Variants in MAP1B observed in about 807,000 individuals in gnomAD.
The protein encoded by MAP1B is microtubule associated protein 1B.
A neutral mutation model predicts 176.1 loss-of-function variants in MAP1B; 12 were observed. That is an observed-to-expected ratio of 0.07 (90% CI 0.04 to 0.11). The LOEUF (loss-of-function observed/expected upper bound fraction) is 0.11. Ranked by LOEUF, MAP1B falls within the 10% of genes least tolerant of loss-of-function variation. The probability of loss-of-function intolerance (pLI) is 1.00; values close to 1 mark genes in which losing one functional copy is unlikely to be tolerated. For missense variants in MAP1B, 2,523 were observed against 2,990.5 expected (o/e 0.84, Z 3.65); for synonymous variants, 1,044 against 1,135.0 (o/e 0.92, Z 1.61).
intron 5 of MAP1B, among the ~76,000 whole-genome samples, chr5:72,201,491 G>A (rs191788503): frequency 4.9e-4 from 74 of 152,318 alleles, no homozygotes; most frequent in African/African-American, 1.8e-3. Flanking sequence ...TCTCAGCAAT[G>A]ACCTGGGCTT....
At position 72,196,400 on chromosome 5, in the gene MAP1B, A is replaced by G. The variant is rs773051153; in HGVS notation, c.3045A>G (p.Gln1015=). The stretch of plus-strand genomic sequence containing the variant: ...CCATTGAGAAAGGAGAGGCTGAACA[A>G]TCTGAAGAGGAGGCTGATGAGGAGG... The part of the protein sequence containing the change: ...DEAIEKGEAE[Q]SEEEADEEDK... The change falls in exon 5 of 7, where the codon CAA becomes CAG. Residue 1015 remains glutamine, a synonymous_variant. Transcript: ENST00000296755. The surrounding 1 kb of genome is among the most constrained non-coding windows in gnomAD (Gnocchi z 5.3). 6.2e-7 allele frequency: 1 copy of G among 1,614,036 alleles called. No homozygotes were observed. The highest frequency in any genetic ancestry group is 1.7e-5 in the Admixed American group (1 of 60,014).
intron 4 of MAP1B, among the ~76,000 whole-genome samples, chr5:72,189,855 G>T (rs1319609342): frequency 6.6e-6 from 1 of 152,196 alleles, no homozygotes; most frequent in Non-Finnish European, 1.5e-5. Context: ...GGAACTCAGA[G>T]TCGGGCTGGA....
At chr5:72,115,529 T>G (rs1745416836) in intron 1 of MAP1B, among the ~76,000 whole-genome samples, 169 bp from the exon 2 acceptor site, 1 of 152,160 alleles carries the variant, frequency 6.6e-6, no homozygotes, top group Admixed American at 6.5e-5. Flanking sequence ...TGGAGAGACC[T>G]CCCTGGCCCT....
intron 2 of MAP1B, among the ~76,000 whole-genome samples, chr5:72,129,826 A>C (rs995279875): frequency 5.9e-5 from 9 of 152,210 alleles, no homozygotes; most frequent in African/African-American, 2.2e-4. Context: ...CTGCTTTTTA[A>C]AGAAGCATTA....
chr5:72,137,616 C>T (rs1213437022), intron 2 of MAP1B, among the ~76,000 whole-genome samples: 1 of 152,130 alleles, frequency 6.6e-6, no homozygotes, highest in Non-Finnish European at 1.5e-5. Context: ...AAAGTTACTC[C>T]TCCCTGTTTA....
intron 2 of MAP1B, among the ~76,000 whole-genome samples, chr5:72,178,735 T>C (rs896279378): frequency 6.7e-6 from 1 of 150,058 alleles, no homozygotes; most frequent in Non-Finnish European, 1.5e-5. Context: ...GGTGTGTGTG[T>C]GTGTGTGTGT....
At chr5:72,156,603 A>G (rs1434583860) in intron 2 of MAP1B, among the ~76,000 whole-genome samples, 15 of 152,250 alleles carry the variant, frequency 9.9e-5, no homozygotes, top group Non-Finnish European at 1.5e-5. Context: ...AGATTCGGAC[A>G]GTGCTTTCCA....
At chr5:72,203,953 C>T in intron 6 of MAP1B, 152 bp downstream of exon 6, 1 of 654,436 alleles carries the variant, frequency 1.5e-6, no homozygotes, top group South Asian at 1.9e-5. Context: ...ATCCTGAGAA[C>T]AAAGTCAGTT....
At chr5:72,200,415 T>C (rs1747306936) in intron 5 of MAP1B, 48 bp downstream of exon 5, 2 of 1,577,684 alleles carry the variant, frequency 1.3e-6, no homozygotes, top group Non-Finnish European at 1.7e-6. Context: ...ACCATTCTAC[T>C]TGCGTTTACA....
At chr5:72,152,960 C>G (rs889432670) in intron 2 of MAP1B, among the ~76,000 whole-genome samples, 4 of 152,136 alleles carry the variant, frequency 2.6e-5, no homozygotes, top group Admixed American at 2.6e-4. Flanking sequence ...AGAGGAACCA[C>G]AGGGAAACCA....
At chr5:72,183,094 G>C (rs1035919698) in intron 2 of MAP1B, among the ~76,000 whole-genome samples, 4 of 152,200 alleles carry the variant, frequency 2.6e-5, no homozygotes, top group Non-Finnish European at 5.9e-5. Context: ...GCCTTGCTTT[G>C]TTGTTCTCTG....
chr5:72,170,745 A>C (rs1315933486), intron 2 of MAP1B, among the ~76,000 whole-genome samples: 2 of 152,164 alleles, frequency 1.3e-5, no homozygotes, highest in African/African-American at 2.4e-5. Flanking sequence ...GGATCACCTG[A>C]GGTCAGGAGT....
intron 2 of MAP1B, among the ~76,000 whole-genome samples, chr5:72,173,512 C>G (rs980951610): frequency 2.0e-5 from 3 of 152,194 alleles, no homozygotes; most frequent in Non-Finnish European, 4.4e-5. Flanking sequence ...GAAACCTACT[C>G]TAGTCTCAAG....
chr5:72,158,418 A>T (rs148927318), intron 2 of MAP1B, among the ~76,000 whole-genome samples: 21 of 152,312 alleles, frequency 1.4e-4, no homozygotes, highest in African/African-American at 5.1e-4. Context: ...CTCACTTCAT[A>T]CAACGATTTA....
At chr5:72,200,865 T>A (rs1747320390) in intron 5 of MAP1B, among the ~76,000 whole-genome samples, 1 of 152,218 alleles carries the variant, frequency 6.6e-6, no homozygotes, top group African/African-American at 2.4e-5. Flanking sequence ...AATGTTTACA[T>A]TTTTATTTAA....
Position 72,197,930 on chromosome 5 carries a change from T to G in MAP1B, c.4575T>G (p.Thr1525=). ...EDTKMSISEG[T]VSDKSATPVD... is the part of the protein sequence containing the mutation. ...CTAAGATGTCCATTTCTGAAGGTACTGTCTCAGACAAGTCAGCTACTCCTG... is the reference window on the plus strand; with the variant it reads ...CTAAGATGTCCATTTCTGAAGGTACGGTCTCAGACAAGTCAGCTACTCCTG... Residue 1525 remains threonine (T), a synonymous_variant, in exon 5 of 7, where the codon ACT becomes ACG. Transcript: ENST00000296755. The G allele has an allele frequency of 6.2e-7, 1 of 1,614,224 alleles. No individual in the cohort carries two copies. The highest frequency in any genetic ancestry group is 8.5e-7 in the Non-Finnish European group (1 of 1,180,040).
intron 4 of MAP1B, chr5:72,193,382 GAA>G (rs1747071720): frequency 7.8e-5 from 20 of 256,950 alleles, no homozygotes; most frequent in South Asian, 5.8e-4. Flanking sequence ...TGGAATAAAA[GAA>G]AATATTTTTT....
Position 72,196,145 on chromosome 5 carries a change from A to G in MAP1B, c.2790A>G (p.Gly930=). 1 of 1,613,278 alleles carries G rather than the reference A, an allele frequency of 6.2e-7. No individual in the cohort carries two copies. Among genetic ancestry groups the G allele is most frequent in the South Asian group, 1.1e-5 (1 of 91,038 alleles). The part of the protein sequence containing the change: ...VDDIEKFEDE[G]AGFEESSETG... The stretch of plus-strand genomic sequence containing the variant: ...ACATTGAAAAATTTGAAGATGAAGG[A>G]GCCGGTTTTGAAGAATCTTCAGAGA... Residue 930 remains glycine, a synonymous_variant, in exon 5 of 7, where the codon GGA becomes GGG. Transcript: ENST00000296755. This position sits in a 1 kb window ranked among gnomAD's most constrained non-coding sequence, Gnocchi z 5.3.
chr5:72,157,903 G>T (rs1453505612), intron 2 of MAP1B, among the ~76,000 whole-genome samples: 2 of 151,974 alleles, frequency 1.3e-5, no homozygotes, highest in Non-Finnish European at 2.9e-5. Flanking sequence ...GCAATGGCAC[G>T]ATCTTGGCTC....
Sources: gnomAD v4.1 joint callset for allele counts (sites outside exome capture counted in the v4.1 genomes callset) on GRCh38, gnomAD v4.1.1 for gene constraint, Gnocchi (gnomAD v3.1) non-coding constraint, MANE v1.5 for transcripts, NCBI Gene and HGNC (gene_info 2026-07-23, HGNC 2026-07-21) for gene names.